KIAA1958: variants seen among roughly 807,000 people sequenced by gnomAD.
KIAA1958 encodes the protein KIAA1958.
KIAA1958 carries 14 observed loss-of-function variants against 47.2 expected under a neutral mutation model. The ratio of observed to expected loss-of-function variants is 0.30; its 90% CI spans 0.20 to 0.46. KIAA1958 has a LOEUF of 0.46. KIAA1958 is among the 20% of genes least tolerant of loss of function. The pLI, the probability that KIAA1958 is intolerant of heterozygous loss-of-function variation, is 1.00. For synonymous variants in KIAA1958, 354 were observed against 353.3 expected (o/e 1.00, Z -0.02); for missense variants, 803 against 909.2 (o/e 0.88, Z 1.50).
At chr9:112,624,336 G>A (rs1259022915) in intron 2 of KIAA1958, among the ~76,000 whole-genome samples, 1 of 152,204 alleles carries the variant, frequency 6.6e-6, no homozygotes, top group Non-Finnish European at 1.5e-5. Context: ...TCGTTGTTTA[G>A]TGCATGGTAT....
intron 1 of KIAA1958, among the ~76,000 whole-genome samples, chr9:112,519,546 A>T (rs1221035219): frequency 6.6e-6 from 1 of 152,210 alleles, no homozygotes; most frequent in East Asian, 1.9e-4. Flanking sequence ...GTTTTGAATT[A>T]TCCTTGTGTC....
chr9:112,560,686 C>A (rs1367674874), intron 1 of KIAA1958, among the ~76,000 whole-genome samples: 1 of 152,116 alleles, frequency 6.6e-6, no homozygotes, highest in Non-Finnish European at 1.5e-5. Context: ...TGGTGAGCAG[C>A]ATTTGTTAGG....
At chr9:112,606,995 C>G (rs185225480) in intron 2 of KIAA1958, among the ~76,000 whole-genome samples, 21 of 152,198 alleles carry the variant, frequency 1.4e-4, no homozygotes, top group African/African-American at 5.1e-4. Flanking sequence ...CTTCTGTAAC[C>G]CAGAACCATA....
chr9:112,524,448 TA>T (rs1056119319), intron 1 of KIAA1958, among the ~76,000 whole-genome samples: 23 of 152,216 alleles, frequency 1.5e-4, no homozygotes, highest in Non-Finnish European at 2.2e-4. Context: ...AAAGCGGCCT[TA>T]AAAAAATTGT....
intron 1 of KIAA1958, among the ~76,000 whole-genome samples, chr9:112,510,083 C>T (rs1379754821): frequency 6.6e-6 from 1 of 152,134 alleles, no homozygotes; most frequent in Non-Finnish European, 1.5e-5. Context: ...GATCTTTGCA[C>T]AAGATCCTGG....
rs923580415 is a variant in KIAA1958, at chr9:112,664,987, A to T, written c.*4918A>T. The stretch of plus-strand genomic sequence containing the variant: ...TCCAGAAAATCTGCAGAAGTTCTCC[A>T]TGTTCAGTGGTTGACCAGAATCTGA... On this transcript the variant is annotated 3_prime_UTR_variant, in exon 4 of 4. Transcript: ENST00000337530. 1.3e-5 allele frequency: 2 copies of T among 152,182 alleles called. No individual in the cohort carries two copies. Among genetic ancestry groups the T allele is most frequent in the African/African-American group, 2.4e-5 (1 of 41,456 alleles). The allele number at this position is 152,182 out of a possible 1,614,324, so 9.4% of individuals were successfully genotyped here. A position where few individuals can be genotyped will look rare whatever the true frequency, so the allele number is the denominator to read the frequency against.
chr9:112,530,124 T>C (rs1298261465), intron 1 of KIAA1958, among the ~76,000 whole-genome samples: 1 of 152,248 alleles, frequency 6.6e-6, no homozygotes, highest in Non-Finnish European at 1.5e-5. Context: ...ATTACAGGCG[T>C]GAGCCACCAC....
At chr9:112,523,610 G>A (rs193174752) in intron 1 of KIAA1958, among the ~76,000 whole-genome samples, 9 of 152,228 alleles carry the variant, frequency 5.9e-5, no homozygotes, top group African/African-American at 1.9e-4. Context: ...ATCCTGAATT[G>A]GACTCAGATC....
intron 1 of KIAA1958, among the ~76,000 whole-genome samples, chr9:112,506,585 G>A (rs1377409136): frequency 6.6e-6 from 1 of 152,146 alleles, no homozygotes; most frequent in African/African-American, 2.4e-5. Context: ...TGGGTACTTG[G>A]GGGTTGCACA....
At chr9:112,569,104 T>C (rs987806810) in intron 1 of KIAA1958, among the ~76,000 whole-genome samples, 2 of 152,174 alleles carry the variant, frequency 1.3e-5, no homozygotes, top group African/African-American at 4.8e-5. Flanking sequence ...CTTTTTGTCT[T>C]TTCGGACATG....
At chr9:112,568,123 G>A (rs573118129) in intron 1 of KIAA1958, among the ~76,000 whole-genome samples, 4 of 152,064 alleles carry the variant, frequency 2.6e-5, no homozygotes, top group African/African-American at 9.6e-5. Context: ...GGCAATATTA[G>A]CATACAAATT....
intron 1 of KIAA1958, among the ~76,000 whole-genome samples, chr9:112,503,306 G>T (rs1220380204): frequency 6.6e-6 from 1 of 152,048 alleles, no homozygotes; most frequent in Non-Finnish European, 1.5e-5. Context: ...CAAAGGGAAC[G>T]GCAAGCACAA....
intron 1 of KIAA1958, among the ~76,000 whole-genome samples, chr9:112,543,360 C>G (rs1311848176): frequency 1.3e-5 from 2 of 152,056 alleles, no homozygotes; most frequent in Admixed American, 6.6e-5. Flanking sequence ...TCAGAAGTAA[C>G]CATCAACTTC....
At position 112,574,702 on chromosome 9, in the gene KIAA1958, C is replaced by G; in HGVS notation, c.622C>G (p.Pro208Ala). 6.2e-7 allele frequency: 1 copy of G among 1,614,100 alleles called. No individual in the cohort carries two copies. The highest frequency in any genetic ancestry group is 8.5e-7 in the Non-Finnish European group (1 of 1,180,020). Residue 208 changes from proline (P) to alanine (A), a missense_variant, in exon 2 of 4, where the codon CCC (proline) becomes GCC (alanine). Transcript: ENST00000337530. ...VIIKKIKQEI[P>A]EDYYIVANAE... ...CATCAAGAAAATCAAACAAGAAATC[C>G]CCGAAGATTATTACATTGTGGCAAA...
intron 1 of KIAA1958, among the ~76,000 whole-genome samples, chr9:112,532,413 ACT>A (rs1834765549): frequency 6.6e-6 from 1 of 151,782 alleles, no homozygotes; most frequent in Non-Finnish European, 1.5e-5. Context: ...CCAGAGGAAA[ACT>A]CTTTTTTTCT....
intron 1 of KIAA1958, among the ~76,000 whole-genome samples, chr9:112,545,198 T>C (rs1564166689): frequency 6.6e-6 from 1 of 152,184 alleles, no homozygotes; most frequent in Non-Finnish European, 1.5e-5. Context: ...ATCTGCTTGT[T>C]TTGCAGAAAA....
chr9:112,529,904 T>C (rs1030598056), intron 1 of KIAA1958, among the ~76,000 whole-genome samples: 5 of 151,848 alleles, frequency 3.3e-5, no homozygotes, highest in Non-Finnish European at 7.4e-5. Flanking sequence ...AGTGCAGTGG[T>C]GCTATCTCGG....
At chr9:112,489,569 C>A (rs10981422) in intron 1 of KIAA1958, among the ~76,000 whole-genome samples, 3 of 151,024 alleles carry the variant, frequency 2.0e-5, no homozygotes, top group African/African-American at 7.3e-5. Flanking sequence ...TTCCAGAGAA[C>A]CTTACATATT....
chr9:112,651,831 T>G (rs1245817917), intron 3 of KIAA1958, among the ~76,000 whole-genome samples: 1 of 152,176 alleles, frequency 6.6e-6, no homozygotes, highest in Non-Finnish European at 1.5e-5. Flanking sequence ...TGAATGAAAA[T>G]TAAATCACCA....
Sources: allele counts gnomAD v4.1 joint callset (sites outside exome capture counted in the v4.1 genomes callset), GRCh38; gene constraint gnomAD v4.1.1; transcripts MANE v1.5; gene names NCBI Gene and HGNC (gene_info 2026-07-23, HGNC 2026-07-21).